The following NRL variants were observed in gnomAD, a reference collection of about 807,000 sequenced individuals.
NRL encodes neural retina leucine zipper, also known as neural retina-specific leucine zipper protein.
Under a neutral mutation model 12.5 loss-of-function variants are expected in NRL, and 16 were observed. The ratio of observed to expected loss-of-function variants is 1.28; its 90% CI spans 0.87 to 1.95. The LOEUF (loss-of-function observed/expected upper bound fraction) is 1.95. NRL is among the 30% of genes most tolerant of loss of function. The probability of loss-of-function intolerance (pLI) is 0.00; values close to 1 mark genes in which losing one functional copy is unlikely to be tolerated. For missense variants in NRL, 314 were observed against 325.8 expected, an observed-to-expected ratio of 0.96 and a Z score of 0.28; for synonymous variants, 142 against 150.9, an observed-to-expected ratio of 0.94 and a Z score of 0.43.
chr14:24,096,889 T>C (rs1177513790), intron 1 of NRL: 5 of 1,611,586 alleles, frequency 3.1e-6, no homozygotes, highest in Admixed American at 1.7e-5. Context: ...GTTTCTCCTA[T>C]AGGCTTAACT....
intron 1 of NRL, chr14:24,102,803 C>A: frequency 1.2e-6 from 2 of 1,613,704 alleles, no homozygotes; most frequent in East Asian, 2.2e-5. Flanking sequence ...TGCCCCGGCT[C>A]GCCAGTGCCC....
At chr14:24,084,235 G>A (rs895918653) in intron 1 of NRL, among the ~76,000 whole-genome samples, 5 of 152,218 alleles carry the variant, frequency 3.3e-5, no homozygotes, top group Non-Finnish European at 7.3e-5. Flanking sequence ...GAGGACAGAG[G>A]GGATGGAAAC....
intron 1 of NRL, among the ~76,000 whole-genome samples, chr14:24,089,040 G>A (rs61450866): frequency 6.6e-6 from 1 of 150,994 alleles, no homozygotes; most frequent in South Asian, 2.1e-4. Context: ...TCCTGACCTC[G>A]TGATCCGCCC....
Position 24,081,598 on chromosome 14 carries a change from A to G in NRL, c.382-30T>C, listed in dbSNP as rs1181601964. The G allele has an allele frequency of 1.9e-6, 3 of 1,566,198 alleles. No individual in the cohort carries two copies. The highest frequency in any genetic ancestry group is 1.4e-5 in the African/African-American group (1 of 73,854). ...GGAGGGAGAATGCAGAAACCGGGTC[A>G]GCGCCAGGTCGCACCCGGCTCTGCC... On this transcript the variant is annotated intron_variant, in intron 2 of 2. Transcript: ENST00000561028. This position sits in a 1 kb window ranked among gnomAD's most constrained non-coding sequence, Gnocchi z 4.4.
At chr14:24,109,423 T>C (rs918103998) in intron 1 of NRL, among the ~76,000 whole-genome samples, 1 of 152,142 alleles carries the variant, frequency 6.6e-6, no homozygotes, top group African/African-American at 2.4e-5. Context: ...CTGCCAGGCG[T>C]GGTGGCTCAC....
rs1015785202 is a variant in NRL at position 24,079,969 on chromosome 14, C to T, written c.*1267G>A. 6.6e-6 allele frequency: 1 copy of T among 152,154 alleles called. No individual in the cohort carries two copies. The highest frequency in any genetic ancestry group is 6.5e-5 in the Admixed American group (1 of 15,268). The allele number at this position is 152,154 out of a possible 1,614,324, so 9.4% of individuals were successfully genotyped here. A position where few individuals can be genotyped will look rare whatever the true frequency, so the allele number is the denominator to read the frequency against. Reference sequence around the variant, plus strand: ...ATCTGTTCCAATGCCTGCCCCTCCACCCCATTTCCATTGGCTCTCCATAAC... The same window carrying T: ...ATCTGTTCCAATGCCTGCCCCTCCATCCCATTTCCATTGGCTCTCCATAAC... On this transcript the variant is annotated 3_prime_UTR_variant, in exon 3 of 3. Transcript: ENST00000561028.
At chr14:24,113,382 A>C (rs1300468906) in intron 1 of NRL, among the ~76,000 whole-genome samples, 2 of 152,094 alleles carry the variant, frequency 1.3e-5, no homozygotes, top group Non-Finnish European at 2.9e-5. Flanking sequence ...GTATAATAAA[A>C]AAAAAAAATG....
Position 24,085,004 on chromosome 14 carries a change from C to T in NRL, c.-27-2129G>A, listed in dbSNP as rs1344244371. Among the ~76,000 whole-genome samples the T allele has an allele frequency of 6.6e-6, 1 of 152,324 alleles. No homozygotes were observed. The highest frequency in any genetic ancestry group is 2.1e-4 in the South Asian group (1 of 4,830). ...AGCACCCCCACCTTCCAAGGCCCTG[C>T]AGCCCCTCATCTGTCTTTGGAGACT... On this transcript the variant is annotated intron_variant, in intron 1 of 2. Transcript: ENST00000561028. The surrounding 1 kb of genome is among the most constrained non-coding windows in gnomAD (Gnocchi z 4.1).
intron 1 of NRL, chr14:24,100,143 G>A: frequency 1.2e-6 from 2 of 1,613,858 alleles, no homozygotes; most frequent in Middle Eastern, 1.6e-4. Flanking sequence ...GCGTGTACTG[G>A]GAGGGCATTG....
At chr14:24,092,372 T>C (rs917300700) in intron 1 of NRL, among the ~76,000 whole-genome samples, 1 of 152,230 alleles carries the variant, frequency 6.6e-6, no homozygotes, top group African/African-American at 2.4e-5. Flanking sequence ...TGATTAGCTA[T>C]GCAGGATAAG....
At chr14:24,099,832 C>G (rs1289517057) in intron 1 of NRL, 1 of 1,506,764 alleles carries the variant, frequency 6.6e-7, no homozygotes, top group South Asian at 1.1e-5. Flanking sequence ...GAACACCCAA[C>G]CCTGCTCCAT....
At chr14:24,092,436 G>A (rs968023093) in intron 1 of NRL, among the ~76,000 whole-genome samples, 8 of 152,248 alleles carry the variant, frequency 5.3e-5, no homozygotes, top group Non-Finnish European at 1.0e-4. Flanking sequence ...GGTGCCATTT[G>A]CTGAGGTAGG....
At position 24,094,923 on chromosome 14, in the gene NRL, C is replaced by T. The variant is rs893764125; in HGVS notation, c.-27-12048G>A. On this transcript the variant is annotated intron_variant, in intron 1 of 2. Transcript: ENST00000561028. This position sits in a 1 kb window ranked among gnomAD's most constrained non-coding sequence, Gnocchi z 4.1. Reference sequence around the variant, plus strand: ...TTAAATATCCATTCCCGGCCTCTCCCGGACTGGAAGGACTGGAACCTGGCG... The same window carrying T: ...TTAAATATCCATTCCCGGCCTCTCCTGGACTGGAAGGACTGGAACCTGGCG... 48 of 1,128,798 alleles carry T rather than the reference C, an allele frequency of 4.3e-5. No homozygotes were observed. The highest frequency in any genetic ancestry group is 5.0e-5 in the Non-Finnish European group (42 of 846,874). 69.9% of individuals were successfully genotyped at this position (1,128,798 alleles called of 1,614,324 possible). A position where few individuals can be genotyped will look rare whatever the true frequency, so the allele number is the denominator to read the frequency against.
At chr14:24,113,848 G>A (rs1297255028) in intron 1 of NRL, among the ~76,000 whole-genome samples, 1 of 152,250 alleles carries the variant, frequency 6.6e-6, no homozygotes, top group Non-Finnish European at 1.5e-5. Context: ...AGGAGCGGGC[G>A]GAGGGAAGCT....
At chr14:24,113,864 C>T (rs749928786) in intron 1 of NRL, among the ~76,000 whole-genome samples, 4 of 152,258 alleles carry the variant, frequency 2.6e-5, no homozygotes, top group Non-Finnish European at 5.9e-5. Flanking sequence ...AAGCTCGCAG[C>T]TTTCCCAAGG....
At chr14:24,096,780 T>G in intron 1 of NRL, 2 of 886,352 alleles carry the variant, frequency 2.3e-6, no homozygotes, top group Non-Finnish European at 3.6e-6. Flanking sequence ...TCATGGTCCC[T>G]GCATGCAGAC....
chr14:24,114,809 C>A lies in NRL; in HGVS notation c.-115G>T. 1 of 985,958 alleles carries A rather than the reference C, an allele frequency of 1.0e-6. No homozygotes were observed. Among genetic ancestry groups the A allele is most frequent in the Non-Finnish European group, 1.2e-6 (1 of 829,960 alleles). 61.1% of individuals were successfully genotyped at this position (985,958 alleles called of 1,614,324 possible). ...GTTTGCAGCCCGCCGGCCAGGAAGC[C>A]GCGAGATGCGTGACGAGCGAAGCGC... On this transcript the variant is annotated 5_prime_UTR_variant, in exon 1 of 3. Transcript: ENST00000561028.
chr14:24,102,789 T>G (rs766166255), intron 1 of NRL: 76 of 1,613,902 alleles, frequency 4.7e-5, no homozygotes, highest in Non-Finnish European at 2.5e-6. Context: ...AACTCTCGAT[T>G]TTGTGCCCCG....
Position 24,103,656 on chromosome 14 carries a change from G to A in NRL, c.-28+11066C>T, listed in dbSNP as rs890813419. 1.8e-5 allele frequency: 29 copies of A among 1,614,082 alleles called. No homozygotes were observed. The highest frequency in any genetic ancestry group is 1.1e-4 in the African/African-American group (8 of 74,932). On this transcript the variant is annotated intron_variant, in intron 1 of 2. Transcript: ENST00000561028. ...CCATGTCAACTGGTTCCGGCGTGAC[G>A]AGGCAGGGCACTTCCTGTGGCCAGG...
Sources: gnomAD v4.1 joint callset for allele counts (sites outside exome capture counted in the v4.1 genomes callset) on GRCh38, gnomAD v4.1.1 for gene constraint, Gnocchi (gnomAD v3.1) non-coding constraint, MANE v1.5 for transcripts, NCBI Gene and HGNC (gene_info 2026-07-23, HGNC 2026-07-21) for gene names.